Variants in ADGRG3 observed in about 807,000 individuals in gnomAD.
ADGRG3 encodes the protein G protein-coupled receptor 97.
A neutral mutation model predicts 54.3 loss-of-function variants in ADGRG3; 39 were observed. The observed-to-expected ratio is 0.72, with a 90% CI of 0.56 to 0.94. The LOEUF (loss-of-function observed/expected upper bound fraction) is 0.94, where lower values mean the gene tolerates loss of function less well. Ranked by LOEUF, ADGRG3 falls within the 40% of genes least tolerant of loss-of-function variation. The pLI is 0.00. For synonymous variants in ADGRG3, 312 were observed against 290.0 expected (o/e 1.08, Z -0.77); for missense variants, 654 against 694.6 (o/e 0.94, Z 0.66).
At chr16:57,680,133 C>T in intron 6 of ADGRG3, 132 bp from the exon 7 acceptor site, 1 of 499,490 alleles carries the variant, frequency 2.0e-6, no homozygotes, top group East Asian at 3.6e-5. Context: ...CCCTTCCCCT[C>T]TGTTCACCTC....
chr16:57,688,157 T>C (rs1203993054), intron 11 of ADGRG3, among the ~76,000 whole-genome samples, 195 bp from the exon 12 acceptor site: 1 of 152,244 alleles, frequency 6.6e-6, no homozygotes, highest in Non-Finnish European at 1.5e-5. Context: ...TCTCTGTTTT[T>C]CATTTCCAAG....
chr16:57,669,539 G>C (rs1214280654), intron 1 of ADGRG3, among the ~76,000 whole-genome samples: 1 of 152,204 alleles, frequency 6.6e-6, no homozygotes, highest in Non-Finnish European at 1.5e-5. Flanking sequence ...GCCTCCTCCA[G>C]GTGATGCTGT....
chr16:57,682,018 G>C (rs2048381724), intron 8 of ADGRG3, among the ~76,000 whole-genome samples: 1 of 152,246 alleles, frequency 6.6e-6, no homozygotes, highest in Non-Finnish European at 1.5e-5. Context: ...TCAAGAGCTG[G>C]AATACACAGA....
chr16:57,677,702 G>A (rs776252040), intron 3 of ADGRG3, among the ~76,000 whole-genome samples: 1 of 152,170 alleles, frequency 6.6e-6, no homozygotes, highest in Non-Finnish European at 1.5e-5. Context: ...CAGAGTAAAC[G>A]TGTGTGTCCT....
At position 57,685,684 on chromosome 16, in the gene ADGRG3, T is replaced by C; in HGVS notation, c.1298T>C (p.Ile433Thr). The C allele has an allele frequency of 6.2e-7, 1 of 1,614,192 alleles. No homozygotes were observed. Among genetic ancestry groups the C allele is most frequent in the African/African-American group, 1.3e-5 (1 of 75,048 alleles). ...GGGACAACCATGTACGCCCTCTATA[T>C]CACCGTCCACGGCTACTTCCTCATC... ...REGTTMYALY[I>T]TVHGYFLITF... The change falls in exon 11 of 12, where the codon ATC (isoleucine) becomes ACC (threonine). Residue 433 changes from isoleucine to threonine, a missense_variant. Ile to Thr is a moderately conservative substitution (Grantham distance 89, BLOSUM62 -1). Transcript: ENST00000333493.
chr16:57,670,658 C>T (rs556543546), intron 1 of ADGRG3, among the ~76,000 whole-genome samples: 7 of 152,162 alleles, frequency 4.6e-5, no homozygotes, highest in Non-Finnish European at 1.0e-4. Context: ...AACAATGCAT[C>T]ATAAATATCT....
At chr16:57,668,669 C>T (rs1043805689) in intron 1 of ADGRG3, among the ~76,000 whole-genome samples, 3 of 152,044 alleles carry the variant, frequency 2.0e-5, no homozygotes, top group Admixed American at 6.5e-5. Flanking sequence ...TAGGGGAGGT[C>T]GGAGGGTGCT....
chr16:57,675,357 G>A (rs1369204894), intron 2 of ADGRG3, among the ~76,000 whole-genome samples: 3 of 152,082 alleles, frequency 2.0e-5, no homozygotes, highest in Admixed American at 6.6e-5. Flanking sequence ...GGTGCAGTGG[G>A]TTCATGCCTG....
chr16:57,676,243 A>G lies in ADGRG3; in HGVS notation c.250A>G (p.Thr84Ala), dbSNP rs767392732. 1.2e-6 allele frequency: 2 copies of G among 1,614,114 alleles called. No homozygotes were observed. The highest frequency in any genetic ancestry group is 4.5e-5 in the East Asian group (2 of 44,878). Residue 84 changes from threonine to alanine, a missense_variant, in exon 3 of 12, where the codon ACG (threonine) becomes GCG (alanine). Physicochemically the swap from Thr to Ala is moderately conservative, Grantham distance 58. Coordinates refer to ENST00000333493, the MANE Select transcript of ADGRG3 (RefSeq NM_170776.5). ...YEAHLMKEGL[T>A]QKVNTPFLKA... ...GGCCCATCTGATGAAGGAAGGTTTGACGCAGAAGGTGAACACGCCTTTCCT... is the reference window on the plus strand; with the variant it reads ...GGCCCATCTGATGAAGGAAGGTTTGGCGCAGAAGGTGAACACGCCTTTCCT...
At chr16:57,678,793 C>G in intron 4 of ADGRG3, 2 of 329,824 alleles carry the variant, frequency 6.1e-6, no homozygotes, top group Non-Finnish European at 1.2e-5. Context: ...TGTGCTCCCC[C>G]CACCAGCCTC....
intron 2 of ADGRG3, among the ~76,000 whole-genome samples, chr16:57,675,116 T>C (rs2048238929): frequency 6.6e-6 from 1 of 150,596 alleles, no homozygotes; most frequent in Admixed American, 6.6e-5. Flanking sequence ...TGTCCCTCAA[T>C]GGATAACGGC....
At chr16:57,672,572 G>T (rs1329606738) in intron 1 of ADGRG3, among the ~76,000 whole-genome samples, 2 of 152,168 alleles carry the variant, frequency 1.3e-5, no homozygotes, top group African/African-American at 2.4e-5. Context: ...GCTGGCAAAA[G>T]ATTGAGCCTC....
intron 8 of ADGRG3, chr16:57,681,220 C>T (rs1053936189): frequency 1.9e-5 from 3 of 157,362 alleles, no homozygotes; most frequent in African/African-American, 7.2e-5. Flanking sequence ...CCTGTGGATA[C>T]ATCATAGACA....
In ADGRG3 at chr16:57,685,643, A is replaced by T. The variant is rs774699006; in HGVS notation, c.1257A>T (p.Leu419=). The change falls in exon 11 of 12, where the codon CTA becomes CTT. Residue 419 remains leucine (L), a splice_region_variant and synonymous_variant. Coordinates refer to ENST00000333493, the MANE Select transcript of ADGRG3 (RefSeq NM_170776.5). The part of the protein sequence containing the change: ...RDRENRTSLE[L]CWFREGTTMY... ...CCACCACAGCTGCCCCCTCCTCCAG[A>T]TGCTGGTTCCGTGAAGGGACAACCA... 6 of 1,613,318 alleles carry T rather than the reference A, an allele frequency of 3.7e-6. No individual in the cohort carries two copies. The highest frequency in any genetic ancestry group is 4.2e-6 in the Non-Finnish European group (5 of 1,179,436).
intron 1 of ADGRG3, among the ~76,000 whole-genome samples, chr16:57,671,617 G>A (rs989855196): frequency 6.6e-6 from 1 of 152,134 alleles, no homozygotes; most frequent in Non-Finnish European, 1.5e-5. Context: ...TTATAGGCGT[G>A]AGTCACCGCA....
At chr16:57,687,965 TAA>T (rs2048506049) in intron 11 of ADGRG3, among the ~76,000 whole-genome samples, 1 of 152,224 alleles carries the variant, frequency 6.6e-6, no homozygotes, top group South Asian at 2.1e-4. Flanking sequence ...AGAGTTTTTC[TAA>T]GTCATGTTCT....
upstream of ADGRG3, among the ~76,000 whole-genome samples, chr16:57,666,492 T>C (rs1309781651): frequency 6.6e-6 from 1 of 152,150 alleles, no homozygotes; most frequent in Admixed American, 6.5e-5. Flanking sequence ...TCTGGAAACA[T>C]CCCTTTAGCT....
At chr16:57,672,236 C>T (rs1208763477) in intron 1 of ADGRG3, among the ~76,000 whole-genome samples, 3 of 151,776 alleles carry the variant, frequency 2.0e-5, no homozygotes, top group Admixed American at 2.0e-4. Flanking sequence ...ATTTAAAAAA[C>T]GATGTATCGG....
intron 1 of ADGRG3, among the ~76,000 whole-genome samples, chr16:57,669,019 G>C (rs1166555131): frequency 1.3e-5 from 2 of 152,218 alleles, no homozygotes; most frequent in African/African-American, 2.4e-5. Flanking sequence ...CCTTGCCTTT[G>C]CTGGCCTCTC....
Sources: allele counts gnomAD v4.1 joint callset (sites outside exome capture counted in the v4.1 genomes callset), GRCh38; gene constraint gnomAD v4.1.1; transcripts MANE v1.5; gene names NCBI Gene and HGNC (gene_info 2026-07-23, HGNC 2026-07-21).